SRGAP3: variants seen among roughly 807,000 people sequenced by gnomAD.
SRGAP3 encodes SLIT-ROBO Rho GTPase-activating protein 3.
In SRGAP3, 39 loss-of-function variants were observed where a neutral mutation model predicts 121.1. The observed-to-expected ratio is 0.32, with a 90% CI of 0.25 to 0.42. The LOEUF (loss-of-function observed/expected upper bound fraction) is 0.42. SRGAP3 is among the 10% of genes least tolerant of loss of function. The pLI, the probability that SRGAP3 is intolerant of heterozygous loss-of-function variation, is 1.00. For missense variants in SRGAP3, 1,213 were observed against 1,470.6 expected, an observed-to-expected ratio of 0.82 and a Z score of 2.86; for synonymous variants, 601 against 570.0, an observed-to-expected ratio of 1.05 and a Z score of -0.77.
chr3:9,350,820 C>T (rs940988610), intron 1 of SRGAP3, among the ~76,000 whole-genome samples: 25 of 152,150 alleles, frequency 1.6e-4, no homozygotes, highest in African/African-American at 5.6e-4. Context: ...CTCACCAGCA[C>T]CAACCATAAT....
intron 1 of SRGAP3, among the ~76,000 whole-genome samples, chr3:9,332,079 T>G (rs1403986491): frequency 6.6e-6 from 1 of 152,094 alleles, no homozygotes; most frequent in Non-Finnish European, 1.5e-5. Flanking sequence ...GAAGAAATAT[T>G]AAAGTTATTC....
chr3:9,248,687 TC>T (rs1468361547), intron 1 of SRGAP3, among the ~76,000 whole-genome samples, 197 bp downstream of exon 1: 2 of 151,988 alleles, frequency 1.3e-5, no homozygotes, highest in African/African-American at 4.8e-5. Flanking sequence ...TAATCCACAC[TC>T]CCAGCCCCAG....
At chr3:8,999,024 C>T (rs893466604) in intron 18 of SRGAP3, among the ~76,000 whole-genome samples, 3 of 152,202 alleles carry the variant, frequency 2.0e-5, no homozygotes, top group Admixed American at 1.3e-4. Context: ...TGCATCTGTA[C>T]AGTGTAAATT....
intron 3 of SRGAP3, among the ~76,000 whole-genome samples, chr3:9,259,574 T>C (rs111316163): frequency 0.012 from 1,806 of 152,288 alleles, 29 homozygotes; most frequent in African/African-American, 0.041. Flanking sequence ...CTCCAAAATG[T>C]TGGGATTACA....
intron 1 of SRGAP3, among the ~76,000 whole-genome samples, chr3:9,224,235 C>T (rs184646623): frequency 8.6e-4 from 131 of 152,348 alleles, no homozygotes; most frequent in Non-Finnish European, 1.4e-3. Flanking sequence ...CTGACTCAGA[C>T]CTCTGGAAGC....
At chr3:9,202,900 G>A (rs1407766261) in intron 1 of SRGAP3, among the ~76,000 whole-genome samples, 29 of 151,994 alleles carry the variant, frequency 1.9e-4, no homozygotes, top group Non-Finnish European at 1.5e-5. Flanking sequence ...TTCCTTTTGT[G>A]GGAAAACCAA....
intron 3 of SRGAP3, among the ~76,000 whole-genome samples, chr3:9,260,372 T>C (rs1008237014): frequency 2.6e-5 from 4 of 152,104 alleles, no homozygotes; most frequent in African/African-American, 9.7e-5. Context: ...CCCACCCCCA[T>C]GGAGTCCAGC....
chr3:9,134,770 G>T (rs986360218), intron 1 of SRGAP3, among the ~76,000 whole-genome samples: 1 of 152,122 alleles, frequency 6.6e-6, no homozygotes, highest in Admixed American at 6.5e-5. Context: ...CACCAGTCTG[G>T]CTGTCATTAT....
At chr3:9,154,527 C>T (rs1950336531) in intron 1 of SRGAP3, among the ~76,000 whole-genome samples, 1 of 152,090 alleles carries the variant, frequency 6.6e-6, no homozygotes, top group South Asian at 2.1e-4. Flanking sequence ...CCCCACTCCT[C>T]TCCAGTTACT....
At chr3:9,327,593 T>C (rs934409780) in intron 2 of SRGAP3, among the ~76,000 whole-genome samples, 3 of 152,252 alleles carry the variant, frequency 2.0e-5, no homozygotes, top group Admixed American at 2.0e-4. Context: ...AATTATGCAC[T>C]AGGTGTGAAG....
chr3:8,988,603 C>G (rs1941861307), intron 21 of SRGAP3, among the ~76,000 whole-genome samples: 1 of 151,912 alleles, frequency 6.6e-6, no homozygotes, highest in African/African-American at 2.4e-5. Flanking sequence ...GAATAAAGGT[C>G]ACAGAAGTCT....
At chr3:8,999,820 C>T (rs1224379824) in intron 18 of SRGAP3, among the ~76,000 whole-genome samples, 2 of 151,928 alleles carry the variant, frequency 1.3e-5, no homozygotes, top group African/African-American at 4.8e-5. Context: ...GGAGTGAGAC[C>T]GACTTCTGGG....
intron 1 of SRGAP3, among the ~76,000 whole-genome samples, chr3:9,167,061 G>T (rs971113412): frequency 4.6e-5 from 7 of 152,110 alleles, no homozygotes; most frequent in African/African-American, 1.7e-4. Context: ...TAGTCCTCGG[G>T]CTCTTAATCC....
chr3:9,070,816 CAAT>C (rs1946669163), intron 4 of SRGAP3, among the ~76,000 whole-genome samples: 1 of 152,178 alleles, frequency 6.6e-6, no homozygotes, highest in Non-Finnish European at 1.5e-5. Context: ...CTATGCTAGG[CAAT>C]ACTACAGTGT....
chr3:9,037,952 T>G, intron 11 of SRGAP3, 111 bp downstream of exon 11: 1 of 1,424,368 alleles, frequency 7.0e-7, no homozygotes, highest in Non-Finnish European at 9.9e-7. Flanking sequence ...CTTGGGGACA[T>G]TGGTGAAGAA....
chr3:9,144,273 C>T (rs1949953723), intron 1 of SRGAP3, among the ~76,000 whole-genome samples: 1 of 152,214 alleles, frequency 6.6e-6, no homozygotes, highest in African/African-American at 2.4e-5. Flanking sequence ...TGGTCTCCAC[C>T]TCTCTCCATA....
chr3:9,319,704 G>A (rs75648995), intron 3 of SRGAP3, among the ~76,000 whole-genome samples: 2,181 of 151,888 alleles, frequency 0.014, 43 homozygotes, highest in African/African-American at 0.05. Context: ...TAGGAGTCAG[G>A]AATCCAGGGA....
chr3:9,050,313 C>A (rs958679304), intron 9 of SRGAP3, among the ~76,000 whole-genome samples: 24 of 152,142 alleles, frequency 1.6e-4, no homozygotes, highest in African/African-American at 5.8e-4. Context: ...ATATTCTGTC[C>A]ACCGTGTCTC....
intron 1 of SRGAP3, among the ~76,000 whole-genome samples, chr3:9,182,264 G>T (rs1951437639): frequency 6.6e-6 from 1 of 151,364 alleles, no homozygotes; most frequent in Non-Finnish European, 1.5e-5. Context: ...AAATGAAAAG[G>T]CTCTTATAGA....
Sources: allele counts gnomAD v4.1 joint callset (sites outside exome capture counted in the v4.1 genomes callset), GRCh38; gene constraint gnomAD v4.1.1; transcripts MANE v1.5; gene names NCBI Gene and HGNC (gene_info 2026-07-23, HGNC 2026-07-21).